Variants in PARD3B observed in about 807,000 individuals in gnomAD.
PARD3B encodes the protein partitioning defective 3 homolog B.
PARD3B carries 103 observed loss-of-function variants against 130.2 expected under a neutral mutation model. The ratio of observed to expected loss-of-function variants is 0.79; its 90% CI spans 0.67 to 0.93. The LOEUF is 0.93. Ranked by LOEUF, PARD3B falls within the 40% of genes least tolerant of loss-of-function variation. PARD3B has a pLI of 0.00. For synonymous variants in PARD3B, 583 were observed against 553.2 expected, an observed-to-expected ratio of 1.05 and a Z score of -0.76; for missense variants, 1,609 against 1,499.2, an observed-to-expected ratio of 1.07 and a Z score of -1.21.
In PARD3B at chr2:205,176,557, G is replaced by A. The variant is rs761046512; in HGVS notation, c.1904G>A (p.Ser635Asn). ...NSILHPLGTC[S>N]PQDKQKGLLL... is the part of the protein sequence containing the mutation. ...ATCCTGCATCCACTTGGCACTTGCA[G>A]TCCACAAGACAAACAGAAAGGTAAG... The change falls in exon 13 of 23, where the codon AGT becomes AAT. Residue 635 changes from serine (S) to asparagine (N), a missense_variant. Ser to Asn is a conservative substitution (Grantham distance 46). Transcript: ENST00000406610. This position sits in a 1 kb window ranked among gnomAD's most constrained non-coding sequence, Gnocchi z 5.3. The A allele has an allele frequency of 2.5e-6, 4 of 1,609,988 alleles. No individual in the cohort carries two copies. The highest frequency in any genetic ancestry group is 3.4e-6 in the Non-Finnish European group (4 of 1,178,384).
intron 1 of PARD3B, among the ~76,000 whole-genome samples, chr2:204,611,755 T>C (rs1005033334): frequency 6.6e-6 from 1 of 152,238 alleles, no homozygotes; most frequent in Non-Finnish European, 1.5e-5. Context: ...TAAAATATAC[T>C]GATCCACTTT....
intron 1 of PARD3B, among the ~76,000 whole-genome samples, chr2:204,628,952 G>A (rs931707069): frequency 3.3e-5 from 5 of 152,070 alleles, no homozygotes; most frequent in African/African-American, 1.2e-4. Flanking sequence ...AATATATATG[G>A]TAAAGGTTGT....
intron 2 of PARD3B, among the ~76,000 whole-genome samples, chr2:204,747,869 T>C (rs1212521308): frequency 6.6e-6 from 1 of 152,128 alleles, no homozygotes; most frequent in African/African-American, 2.4e-5. Context: ...AAATTCAAGG[T>C]GTTAATTTTA....
At chr2:204,661,874 G>C (rs1295146485) in intron 1 of PARD3B, among the ~76,000 whole-genome samples, 1 of 147,762 alleles carries the variant, frequency 6.8e-6, no homozygotes, top group Admixed American at 6.6e-5. Flanking sequence ...CATTCAATCT[G>C]TTGTGCCTAT....
chr2:204,691,691 T>C (rs2037361748), intron 2 of PARD3B, among the ~76,000 whole-genome samples: 1 of 152,138 alleles, frequency 6.6e-6, no homozygotes, highest in African/African-American at 2.4e-5. Context: ...AATGATACTA[T>C]GGTAGTGCTA....
Position 204,678,936 on chromosome 2 carries a change from T to C in PARD3B, c.121-7245T>C, listed in dbSNP as rs2036690701. 6.6e-6 allele frequency among the ~76,000 whole-genome samples: 1 copy of C among 152,190 alleles called. No individual in the cohort carries two copies. On this transcript the variant is annotated intron_variant, in intron 1 of 22. Coordinates refer to ENST00000406610, the MANE Select transcript of PARD3B (RefSeq NM_001302769.2). The surrounding 1 kb of genome is among the most constrained non-coding windows in gnomAD (Gnocchi z 4.2). The stretch of plus-strand genomic sequence containing the variant: ...GAACATTGCCCTAGAAGCCGCTTCA[T>C]GCCTCTTTCTACTCACCACCCTTCC...
intron 11 of PARD3B, among the ~76,000 whole-genome samples, chr2:205,169,844 T>C (rs563124612): frequency 6.6e-6 from 1 of 152,250 alleles, no homozygotes; most frequent in South Asian, 2.1e-4. Flanking sequence ...TCCTTTCTTA[T>C]ATGACAATAG....
chr2:205,488,172 A>G (rs1261375079), intron 20 of PARD3B, among the ~76,000 whole-genome samples: 1 of 152,144 alleles, frequency 6.6e-6, no homozygotes, highest in Non-Finnish European at 1.5e-5. Context: ...TGTATTGACA[A>G]AATTAATCTT....
At chr2:204,881,107 C>A (rs1270127438) in intron 2 of PARD3B, among the ~76,000 whole-genome samples, 1 of 152,148 alleles carries the variant, frequency 6.6e-6, no homozygotes, top group Non-Finnish European at 1.5e-5. Flanking sequence ...TAAGTAGAGG[C>A]AAGCATTTCC....
chr2:205,454,711 C>T (rs1488025025), intron 20 of PARD3B, among the ~76,000 whole-genome samples: 1 of 152,036 alleles, frequency 6.6e-6, no homozygotes, highest in Non-Finnish European at 1.5e-5. Flanking sequence ...CAGTAGGGGG[C>T]CTAGGCTCAA....
In PARD3B at chr2:205,525,374, C is replaced by T. The variant is rs930448645; in HGVS notation, c.3180+25343C>T. On this transcript the variant is annotated intron_variant, in intron 21 of 22. Transcript: ENST00000406610. This position sits in a 1 kb window ranked among gnomAD's most constrained non-coding sequence, Gnocchi z 4.2. ...CTAAGCTGGAAAGGCCAAAGAAATT[C>T]GGAGGATTAAGAGGTTTTTTTGTTT... Among the ~76,000 whole-genome samples, 4 of 152,016 alleles carry T rather than the reference C, an allele frequency of 2.6e-5. No individual in the cohort carries two copies. The highest frequency in any genetic ancestry group is 4.4e-5 in the Non-Finnish European group (3 of 68,022).
At chr2:204,757,553 T>A (rs1471301312) in intron 2 of PARD3B, among the ~76,000 whole-genome samples, 2 of 152,004 alleles carry the variant, frequency 1.3e-5, no homozygotes, top group African/African-American at 2.4e-5. Flanking sequence ...CTTGTAGGTC[T>A]TCTTTTGAGA....
At chr2:205,112,897 G>A (rs1703740779) in intron 5 of PARD3B, among the ~76,000 whole-genome samples, 1 of 152,048 alleles carries the variant, frequency 6.6e-6, no homozygotes, top group South Asian at 2.1e-4. Flanking sequence ...TGAAAATTTG[G>A]AATTGTTCTG....
intron 2 of PARD3B, among the ~76,000 whole-genome samples, chr2:204,701,117 A>G (rs1261442122): frequency 1.3e-5 from 2 of 152,040 alleles, no homozygotes; most frequent in East Asian, 1.9e-4. Context: ...ACATTTTTCT[A>G]TGTATTTATT....
chr2:205,243,964 G>A (rs185644193), intron 15 of PARD3B, among the ~76,000 whole-genome samples: 1 of 152,146 alleles, frequency 6.6e-6, no homozygotes, highest in African/African-American at 2.4e-5. Context: ...TCTACTTACA[G>A]TGTAGATTGA....
In PARD3B at chr2:204,926,594, G is replaced by A. The variant is rs13430394; in HGVS notation, c.223-38558G>A. Among the ~76,000 whole-genome samples, 951 of 152,158 alleles carry A rather than the reference G, an allele frequency of 6.3e-3. 13 individuals are homozygous for A. The highest frequency in any genetic ancestry group is 0.022 in the African/African-American group (908 of 41,530). ...GCAGCTGTGGATCTCCTCACAACAT[G>A]TGAGTTCGATCCGTGACAGCATTTT... On this transcript the variant is annotated intron_variant, in intron 2 of 22. Coordinates refer to ENST00000406610, the MANE Select transcript of PARD3B (RefSeq NM_001302769.2).
chr2:204,766,446 C>G (rs996157634), intron 2 of PARD3B, among the ~76,000 whole-genome samples: 8 of 152,114 alleles, frequency 5.3e-5, no homozygotes, highest in African/African-American at 1.9e-4. Context: ...CCCATGGTAA[C>G]TATTGTCATT....
intron 2 of PARD3B, among the ~76,000 whole-genome samples, chr2:204,812,126 G>A (rs2042982815): frequency 6.6e-6 from 1 of 152,040 alleles, no homozygotes; most frequent in Non-Finnish European, 1.5e-5. Flanking sequence ...TACATAGCAT[G>A]CATTCTTTTA....
At chr2:205,095,283 G>T (rs756974889) in intron 4 of PARD3B, among the ~76,000 whole-genome samples, 1 of 152,058 alleles carries the variant, frequency 6.6e-6, no homozygotes, top group African/African-American at 2.4e-5. Context: ...ATTATAAATA[G>T]AAATTATGAT....
Sources: gnomAD v4.1 joint callset for allele counts (sites outside exome capture counted in the v4.1 genomes callset) on GRCh38, gnomAD v4.1.1 for gene constraint, Gnocchi (gnomAD v3.1) non-coding constraint, MANE v1.5 for transcripts, NCBI Gene and HGNC (gene_info 2026-07-23, HGNC 2026-07-21) for gene names.